SLC8B1: variants seen among roughly 807,000 people sequenced by gnomAD.
The protein encoded by SLC8B1 is solute carrier family 8 member B1, also known as mitochondrial sodium/calcium exchanger protein.
In SLC8B1, 52 loss-of-function variants were observed where a neutral mutation model predicts 63.4. That is an observed-to-expected ratio of 0.82 (90% CI 0.66 to 1.03). SLC8B1 has a LOEUF of 1.03. SLC8B1 is among the 50% of genes least tolerant of loss of function. The pLI, the probability that SLC8B1 is intolerant of heterozygous loss-of-function variation, is 0.00. For missense variants in SLC8B1, 657 were observed against 741.7 expected (o/e 0.89, Z 1.33); for synonymous variants, 336 against 323.9 (o/e 1.04, Z -0.40).
chr12:113,306,620 C>G, intron 13 of SLC8B1, 45 bp from the exon 14 acceptor site: 1 of 1,524,890 alleles, frequency 6.6e-7, no homozygotes, highest in Non-Finnish European at 9.1e-7. Flanking sequence ...TCGCTTCCCC[C>G]ACCCTCCCTG....
intron 2 of SLC8B1, among the ~76,000 whole-genome samples, chr12:113,329,108 G>C (rs1485751832): frequency 6.6e-6 from 1 of 152,122 alleles, no homozygotes; most frequent in Non-Finnish European, 1.5e-5. Flanking sequence ...ACAGTGCCTG[G>C]CAGAGTAGGC....
In SLC8B1 at chr12:113,332,738, C is replaced by T. The variant is rs768633989; in HGVS notation, c.141G>A (p.Gln47=). 6.2e-7 allele frequency: 1 copy of T among 1,613,982 alleles called. No individual in the cohort carries two copies. Among genetic ancestry groups the T allele is most frequent in the South Asian group, 1.1e-5 (1 of 91,068 alleles). ...SPQFPASGVN[Q]TPVVDCRKVC... ...GGATACTCACGTCTACCACGGGGGT[C>T]TGGTTCACACCTGAAGCTGGAAACT... The change falls in exon 2 of 16, where the codon CAG becomes CAA. Residue 47 remains glutamine (Q), a synonymous_variant. Coordinates refer to ENST00000680972, the MANE Select transcript of SLC8B1 (RefSeq NM_001358345.2).
In SLC8B1 at chr12:113,320,957, AC is replaced by A; in HGVS notation, c.363-51del. The A allele has an allele frequency of 6.3e-7, 1 of 1,590,560 alleles. No homozygotes were observed. Among genetic ancestry groups the A allele is most frequent in the Non-Finnish European group, 8.6e-7 (1 of 1,169,554 alleles). ...GCATTTCCGTAGTAACCGGCCCCGGACCCCTATCCTTCCCCCAAACTGAGGG... is the reference window on the plus strand; with the variant it reads ...GCATTTCCGTAGTAACCGGCCCCGGACCCTATCCTTCCCCCAAACTGAGGG... On this transcript the variant is annotated intron_variant, in intron 4 of 15. Coordinates refer to ENST00000680972, the MANE Select transcript of SLC8B1 (RefSeq NM_001358345.2). This position sits in a 1 kb window ranked among gnomAD's most constrained non-coding sequence, Gnocchi z 5.3.
At chr12:113,303,767 G>A (rs1956632449) in intron 15 of SLC8B1, among the ~76,000 whole-genome samples, 1 of 151,328 alleles carries the variant, frequency 6.6e-6, no homozygotes, top group Non-Finnish European at 1.5e-5. Context: ...GCAGTGCTGG[G>A]ATATGGTGCT....
At position 113,301,385 on chromosome 12, in the gene SLC8B1, G is replaced by A. The variant is rs559370915; in HGVS notation, c.1558-1411C>T. On this transcript the variant is annotated intron_variant, in intron 15 of 15. Coordinates refer to ENST00000680972, the MANE Select transcript of SLC8B1 (RefSeq NM_001358345.2). ...GAGTCTCACTCTTGTTGCCCAGGCT[G>A]GAGTGCAATGGCGTGATCTCAGCTC... 4.2e-5 allele frequency among the ~76,000 whole-genome samples: 6 copies of A among 143,792 alleles called. No individual in the cohort carries two copies. The South Asian group carries it at 8.9e-4, about 21-fold the overall frequency. The allele number at this position is 143,792 out of a possible 152,430, so 94.3% of individuals were successfully genotyped here. A position where few individuals can be genotyped will look rare whatever the true frequency, so the allele number is the denominator to read the frequency against.
intron 7 of SLC8B1, among the ~76,000 whole-genome samples, chr12:113,319,683 C>G (rs960847612): frequency 6.6e-6 from 1 of 152,206 alleles, no homozygotes; most frequent in African/African-American, 2.4e-5. Flanking sequence ...ACAAATTGTC[C>G]CTCCATTCAT....
chr12:113,303,071 T>TACACAC (rs368824979), intron 15 of SLC8B1, among the ~76,000 whole-genome samples: 12,576 of 129,998 alleles, frequency 0.097, 582 homozygotes, highest in Non-Finnish European at 0.11. Context: ...CACACACACG[T>TACACAC]ACACACACAC....
At chr12:113,321,378 C>T (rs374021383) in intron 2 of SLC8B1, 30 bp from the exon 3 acceptor site, 73 of 1,613,744 alleles carry the variant, frequency 4.5e-5, no homozygotes, top group Admixed American at 1.8e-4. Context: ...GGGACATCAG[C>T]GGCAGAGACT....
rs144608011 is a variant in SLC8B1, at chr12:113,298,880, G to C, written c.*897C>G. On this transcript the variant is annotated 3_prime_UTR_variant, in exon 16 of 16. Coordinates refer to ENST00000680972, the MANE Select transcript of SLC8B1 (RefSeq NM_001358345.2). ...AGAGTTGCTTATTTCGGCAACATAAGGCGGGGTCATTGCATGACAGCAAGA... is the reference window on the plus strand; with the variant it reads ...AGAGTTGCTTATTTCGGCAACATAACGCGGGGTCATTGCATGACAGCAAGA... 1 of 151,958 alleles carries C rather than the reference G, an allele frequency of 6.6e-6. No individual in the cohort carries two copies. The highest frequency in any genetic ancestry group is 2.4e-5 in the African/African-American group (1 of 41,250). The allele number at this position is 151,958 out of a possible 1,614,324, so 9.4% of individuals were successfully genotyped here.
Position 113,318,948 on chromosome 12 carries a change from C to T in SLC8B1, c.802+16G>A, listed in dbSNP as rs200228880. The T allele has an allele frequency of 1.1e-4, 173 of 1,608,760 alleles. No homozygotes were observed. Among genetic ancestry groups the T allele is most frequent in the Admixed American group, 8.8e-4 (53 of 59,980 alleles). On this transcript the variant is annotated intron_variant, in intron 8 of 15. Transcript: ENST00000680972. The stretch of plus-strand genomic sequence containing the variant: ...GTCCCCACTGGTCCTCTCTGGGGTC[C>T]GATGCAGACTCTTACCTGGAGTAAC...
chr12:113,316,735 A>C, intron 9 of SLC8B1, 79 bp from the exon 10 acceptor site: 1 of 1,578,558 alleles, frequency 6.3e-7, no homozygotes, highest in Non-Finnish European at 8.6e-7. Flanking sequence ...CCATCCCACC[A>C]GTCCTCCCAG....
At chr12:113,303,170 A>AG (rs1956622201) in intron 15 of SLC8B1, among the ~76,000 whole-genome samples, 1 of 150,666 alleles carries the variant, frequency 6.6e-6, no homozygotes, top group South Asian at 2.1e-4. Context: ...AAGAGGAAAT[A>AG]GGTCCCCTGA....
At chr12:113,316,225 C>CAAAA (rs565941837) in intron 10 of SLC8B1, among the ~76,000 whole-genome samples, 107 of 130,962 alleles carry the variant, frequency 8.2e-4, no homozygotes, top group African/African-American at 2.9e-3. Context: ...AACTCTGTCT[C>CAAAA]AAAAAAAAAA....
rs532858930 is a variant in SLC8B1, at chr12:113,316,447, C to T, written c.993+79G>A. On this transcript the variant is annotated intron_variant, in intron 10 of 15. Transcript: ENST00000680972. ...TCAGTGGACCCCAGGCCCTCCCCCT[C>T]GTAGAGCTGGAGAGGGTAGCGTGGC... 34 of 1,540,096 alleles carry T rather than the reference C, an allele frequency of 2.2e-5. No homozygotes were observed. The African/African-American group carries it at 3.6e-4, about 16-fold the overall frequency.
At chr12:113,319,401 A>C in intron 7 of SLC8B1, 1 of 244,090 alleles carries the variant, frequency 4.1e-6, no homozygotes, top group South Asian at 4.7e-5. Flanking sequence ...AGCTAGGTTC[A>C]GCCAATGGGA....
At chr12:113,323,624 G>A (rs142493866) in intron 2 of SLC8B1, among the ~76,000 whole-genome samples, 132 of 152,026 alleles carry the variant, frequency 8.7e-4, no homozygotes, top group African/African-American at 2.9e-3. Flanking sequence ...CAGGAGAATC[G>A]CTTGAACCCA....
intron 10 of SLC8B1, among the ~76,000 whole-genome samples, chr12:113,316,155 T>C (rs74402193): frequency 0.027 from 3,958 of 148,202 alleles, 154 homozygotes; most frequent in East Asian, 0.18. Context: ...ACCCGGGAGG[T>C]GGAGCTTGCA....
chr12:113,306,942 C>G lies in SLC8B1; in HGVS notation c.1412-367G>C, dbSNP rs1453206638. The G allele has an allele frequency of 1.3e-5, 4 of 301,688 alleles. No individual in the cohort carries two copies. The Admixed American group carries it at 1.4e-4, about 11-fold the overall frequency. The allele number at this position is 301,688 out of a possible 1,614,324, so 18.7% of individuals were successfully genotyped here. ...CCTGGCCAACATGATGAAACCTTGT[C>G]TCTATTAAAAATACAAAAATTAGCT... On this transcript the variant is annotated intron_variant, in intron 13 of 15. Transcript: ENST00000680972.
rs776675891 is a variant in SLC8B1, at chr12:113,307,748, G to C, written c.1354C>G (p.Arg452Gly). ...NILRSLGVVF[R>G]LSNTVLGLTL... ...AGCCCCAGCACAGTGTTGCTCAGCC[G>C]GAAGACCACACCCAGGGACCGCAAG... Residue 452 changes from arginine (R) to glycine (G), a missense_variant, in exon 13 of 16, where the codon CGG becomes GGG. By Grantham distance (125) the Arg-to-Gly change is moderately radical. Transcript: ENST00000680972. 1 of 1,613,962 alleles carries C rather than the reference G, an allele frequency of 6.2e-7. No homozygotes were observed. Among genetic ancestry groups the C allele is most frequent in the African/African-American group, 1.3e-5 (1 of 75,008 alleles).
Sources: allele counts gnomAD v4.1 joint callset (sites outside exome capture counted in the v4.1 genomes callset), GRCh38; gene constraint gnomAD v4.1.1; non-coding constraint Gnocchi (gnomAD v3.1); transcripts MANE v1.5; gene names NCBI Gene and HGNC (gene_info 2026-07-23, HGNC 2026-07-21).